Variants in EIF4G3 observed in about 807,000 individuals in gnomAD.
EIF4G3 encodes eIF-4-gamma 3.
A neutral mutation model predicts 186.4 loss-of-function variants in EIF4G3; 34 were observed. That is an observed-to-expected ratio of 0.18 (90% CI 0.14 to 0.24). The LOEUF (loss-of-function observed/expected upper bound fraction) is 0.24, where lower values mean the gene tolerates loss of function less well. Among genes scored for constraint, EIF4G3 ranks in the 10% least tolerant of loss-of-function variants. The probability of loss-of-function intolerance (pLI) is 1.00; values close to 1 mark genes in which losing one functional copy is unlikely to be tolerated. For synonymous variants in EIF4G3, 673 were observed against 679.5 expected (o/e 0.99, Z 0.15); for missense variants, 1,536 against 1,948.5 (o/e 0.79, Z 3.99).
intron 2 of EIF4G3, among the ~76,000 whole-genome samples, chr1:21,091,133 T>C (rs1163518301): frequency 4.6e-5 from 7 of 152,110 alleles, no homozygotes; most frequent in Admixed American, 2.0e-4. Context: ...GAAACAGCTA[T>C]AGTCTTCTTT....
intron 22 of EIF4G3, among the ~76,000 whole-genome samples, chr1:20,863,421 CCCTGTTA>C (rs1178916451): frequency 2.1e-5 from 3 of 143,376 alleles, no homozygotes; most frequent in Non-Finnish European, 4.5e-5. Context: ...CAGGGCAAGA[CCCTGTTA>C]CCTTTTTTTT....
chr1:21,036,372 G>A (rs551428026), intron 4 of EIF4G3, among the ~76,000 whole-genome samples: 2 of 152,084 alleles, frequency 1.3e-5, no homozygotes, highest in Non-Finnish European at 2.9e-5. Context: ...AATCTTCCTG[G>A]ACGCAGGACA....
At chr1:21,148,143 A>T (rs2097484321) in intron 2 of EIF4G3, among the ~76,000 whole-genome samples, 1 of 152,174 alleles carries the variant, frequency 6.6e-6, no homozygotes, top group African/African-American at 2.4e-5. Context: ...ATCATAATTC[A>T]CTGCAGCCTC....
At chr1:21,049,716 CA>C (rs2094106189) in intron 4 of EIF4G3, among the ~76,000 whole-genome samples, 1 of 152,068 alleles carries the variant, frequency 6.6e-6, no homozygotes, top group African/African-American at 2.4e-5. Flanking sequence ...CCCATCTCTA[CA>C]AAAAATTTAA....
At chr1:20,950,604 C>G (rs1352076624) in intron 12 of EIF4G3, among the ~76,000 whole-genome samples, 1 of 152,148 alleles carries the variant, frequency 6.6e-6, no homozygotes, top group African/African-American at 2.4e-5. Context: ...ATTCCTGCTA[C>G]TTATCCATGT....
chr1:21,135,755 G>T (rs888560329), intron 2 of EIF4G3, among the ~76,000 whole-genome samples: 9 of 152,102 alleles, frequency 5.9e-5, no homozygotes, highest in Non-Finnish European at 1.2e-4. Flanking sequence ...AACTAATATG[G>T]GTAATGTAAC....
chr1:20,953,359 G>C (rs1190889693), intron 12 of EIF4G3, among the ~76,000 whole-genome samples: 1 of 152,150 alleles, frequency 6.6e-6, no homozygotes, highest in Non-Finnish European at 1.5e-5. Context: ...AGAGTGAAAA[G>C]AGTTTAAGGG....
At chr1:21,135,278 T>A (rs1296511122) in intron 2 of EIF4G3, among the ~76,000 whole-genome samples, 1 of 152,160 alleles carries the variant, frequency 6.6e-6, no homozygotes, top group Non-Finnish European at 1.5e-5. Context: ...GGCGGGTGGA[T>A]CACCTGAGGT....
chr1:21,141,632 A>T (rs1446957138), intron 2 of EIF4G3, among the ~76,000 whole-genome samples: 1 of 152,154 alleles, frequency 6.6e-6, no homozygotes, highest in African/African-American at 2.4e-5. Context: ...AAATGTTTTT[A>T]AAATTTTCTA....
Position 20,853,613 on chromosome 1 carries a change from T to C in EIF4G3, c.3498A>G (p.Ser1166=). The change falls in exon 27 of 37, where the codon TCA becomes TCG. Residue 1166 remains serine (S), a synonymous_variant. Coordinates refer to ENST00000602326, the MANE Select transcript of EIF4G3 (RefSeq NM_001391906.1). ...RFSALQPPAP[S]GSTPSTPVEF... ...CTACAGGCGTGGATGGCGTGGACCC[T>C]GAGGGTGCTGGAGGTTGCAGGGCAG... 6.2e-7 allele frequency: 1 copy of C among 1,614,000 alleles called. No individual in the cohort carries two copies. Among genetic ancestry groups the C allele is most frequent in the Non-Finnish European group, 8.5e-7 (1 of 1,179,944 alleles).
In EIF4G3 at chr1:21,129,085, C is replaced by T. The variant is rs541754389; in HGVS notation, c.-271-39872G>A. ...ATCCCACAATTTTGGGAGGCCGAGGCGGGTGGATCACAAAGTCAGGCGTTC... is the reference window on the plus strand; with the variant it reads ...ATCCCACAATTTTGGGAGGCCGAGGTGGGTGGATCACAAAGTCAGGCGTTC... On this transcript the variant is annotated intron_variant, in intron 2 of 36. Transcript: ENST00000602326. 1.2e-4 allele frequency among the ~76,000 whole-genome samples: 18 copies of T among 151,770 alleles called. No individual in the cohort carries two copies. The East Asian group carries it at 2.3e-3, about 20-fold the overall frequency.
intron 14 of EIF4G3, among the ~76,000 whole-genome samples, chr1:20,921,052 G>C (rs2094458581): frequency 6.6e-6 from 1 of 151,978 alleles, no homozygotes; most frequent in Admixed American, 6.5e-5. Flanking sequence ...AATTATATTT[G>C]GGTGTGTTTG....
In EIF4G3 at chr1:20,851,314, CCTCCTGTGAGCTGCTTCACGGT is replaced by C; in HGVS notation, c.3694_3715del (p.Thr1232ValfsTer67). 1 of 1,614,178 alleles carries C rather than the reference CCTCCTGTGAGCTGCTTCACGGT, an allele frequency of 6.2e-7. No homozygotes were observed. Among genetic ancestry groups the C allele is most frequent in the Non-Finnish European group, 8.5e-7 (1 of 1,180,042 alleles). ...AGTGCTGTTCCTCTCCACATCCACA[CCTCCTGTGAGCTGCTTCACGGT>C]CTCCAGCATCTCTCTCCGCTGCTCT... On this transcript the variant is annotated frameshift_variant, in exon 28 of 37. Transcript: ENST00000602326. LOFTEE classifies it high-confidence loss of function.
chr1:21,110,883 A>G (rs12732038), intron 2 of EIF4G3, among the ~76,000 whole-genome samples: 1 of 152,194 alleles, frequency 6.6e-6, no homozygotes, highest in East Asian at 1.9e-4. Context: ...TAACTTTTTG[A>G]AAATACTGTA....
chr1:20,839,793 A>G (rs2067934084), intron 30 of EIF4G3, among the ~76,000 whole-genome samples: 1 of 151,540 alleles, frequency 6.6e-6, no homozygotes, highest in Non-Finnish European at 1.5e-5. Context: ...CTGGCCAACA[A>G]TGACATTTAA....
chr1:21,032,789 C>A (rs1217312563), intron 4 of EIF4G3, among the ~76,000 whole-genome samples: 1 of 151,770 alleles, frequency 6.6e-6, no homozygotes. Context: ...TTAAAAAAAA[C>A]GGAGTGAAAA....
At chr1:21,146,066 G>A (rs746748177) in intron 2 of EIF4G3, among the ~76,000 whole-genome samples, 1 of 152,134 alleles carries the variant, frequency 6.6e-6, no homozygotes, top group Non-Finnish European at 1.5e-5. Context: ...CTACACTCCA[G>A]CCTGGGAAAC....
chr1:20,993,844 C>T (rs967554121), intron 7 of EIF4G3, among the ~76,000 whole-genome samples: 1 of 152,178 alleles, frequency 6.6e-6, no homozygotes, highest in African/African-American at 2.4e-5. Context: ...AGTATATTCT[C>T]TGTATACCAC....
chr1:21,038,036 A>T (rs77647775), intron 4 of EIF4G3, among the ~76,000 whole-genome samples: 190 of 152,336 alleles, frequency 1.2e-3, no homozygotes, highest in Middle Eastern at 6.8e-3. Flanking sequence ...ACTTCTGAGC[A>T]GTGATACTAT....
Sources: allele counts gnomAD v4.1 joint callset (sites outside exome capture counted in the v4.1 genomes callset), GRCh38; gene constraint gnomAD v4.1.1; transcripts MANE v1.5; gene names NCBI Gene and HGNC (gene_info 2026-07-23, HGNC 2026-07-21).